TSG101: variants seen among roughly 807,000 people sequenced by gnomAD.
The protein encoded by TSG101 is tumor susceptibility 101.
Under a neutral mutation model 48.5 loss-of-function variants are expected in TSG101, and 19 were observed. The ratio of observed to expected loss-of-function variants is 0.39; its 90% confidence interval spans 0.27 to 0.58. The LOEUF is 0.58. TSG101 is among the 20% of genes least tolerant of loss of function. The probability of loss-of-function intolerance (pLI) is 0.55; values close to 1 mark genes in which losing one functional copy is unlikely to be tolerated. For missense variants in TSG101, 365 were observed against 484.4 expected (o/e 0.75, Z 2.31); for synonymous variants, 174 against 169.4 (o/e 1.03, Z -0.21).
intron 7 of TSG101, chr11:18,490,178 G>C (rs1484373622): frequency 3.6e-6 from 1 of 276,144 alleles, no homozygotes; most frequent in Non-Finnish European, 7.6e-6. Flanking sequence ...CCACACAAGG[G>C]ATATACGTGG....
At chr11:18,525,608 T>A in intron 1 of TSG101, 3 of 626,664 alleles carry the variant, frequency 4.8e-6, no homozygotes, top group Non-Finnish European at 5.9e-6. Flanking sequence ...TGTAAAACAA[T>A]ATACCGTTTT....
intron 7 of TSG101, among the ~76,000 whole-genome samples, chr11:18,493,500 G>C (rs925101189): frequency 6.6e-6 from 1 of 152,114 alleles, no homozygotes; most frequent in African/African-American, 2.4e-5. Flanking sequence ...ATAACTCAAC[G>C]ATAATTTTTC....
intron 4 of TSG101, among the ~76,000 whole-genome samples, chr11:18,511,949 A>C (rs1392012449): frequency 1.3e-5 from 2 of 150,970 alleles, no homozygotes; most frequent in African/African-American, 2.4e-5. Context: ...GAATTCATTA[A>C]TGTGGTAGTA....
At position 18,526,795 on chromosome 11, in the gene TSG101, G is replaced by C; in HGVS notation, c.22C>G (p.Leu8Val). ...CTCACCTTGGACACCATTTTCTTGAGCTGGCTCTCCGACACCGCCATGACG... is the reference window on the plus strand; with the variant it reads ...CTCACCTTGGACACCATTTTCTTGACCTGGCTCTCCGACACCGCCATGACG... Reference protein sequence around the residue: MAVSESQLKKMVSKYKYR... With the variant: MAVSESQVKKMVSKYKYR... Residue 8 changes from leucine to valine, a missense_variant, in exon 1 of 10, where the codon CTC becomes GTC. Leu to Val is a conservative substitution (Grantham distance 32). Coordinates refer to ENST00000251968, the MANE Select transcript of TSG101 (RefSeq NM_006292.4). 3 of 1,603,290 alleles carry C rather than the reference G, an allele frequency of 1.9e-6. No individual in the cohort carries two copies. Among genetic ancestry groups the C allele is most frequent in the African/African-American group, 1.3e-5 (1 of 75,034 alleles).
chr11:18,498,777 G>T (rs554275077), intron 7 of TSG101, among the ~76,000 whole-genome samples: 5 of 152,074 alleles, frequency 3.3e-5, no homozygotes, highest in African/African-American at 1.2e-4. Context: ...AGGATAGAGA[G>T]TGCCAAGGAG....
At chr11:18,509,731 C>A (rs1850047637) in intron 4 of TSG101, 66 bp from the exon 5 acceptor site, 2 of 1,477,894 alleles carry the variant, frequency 1.4e-6, no homozygotes, top group Non-Finnish European at 1.8e-6. Flanking sequence ...AAAAGGTTAG[C>A]CATTTCTCAT....
At chr11:18,482,056 ATAGAG>A (rs745995737) in intron 8 of TSG101, among the ~76,000 whole-genome samples, 187 bp from the exon 9 acceptor site, 2 of 152,220 alleles carry the variant, frequency 1.3e-5, no homozygotes, top group Non-Finnish European at 2.9e-5. Flanking sequence ...GCTGAGTGAA[ATAGAG>A]TAATGATGGA....
chr11:18,506,404 AT>A (rs559361674), intron 6 of TSG101, among the ~76,000 whole-genome samples: 2 of 145,552 alleles, frequency 1.4e-5, no homozygotes, highest in Non-Finnish European at 3.1e-5. Flanking sequence ...AAAAAAAAAA[AT>A]ACATAGGCTG....
intron 1 of TSG101, among the ~76,000 whole-genome samples, chr11:18,520,576 C>T (rs1850253396): frequency 6.6e-6 from 1 of 152,130 alleles, no homozygotes; most frequent in East Asian, 1.9e-4. Flanking sequence ...AACTGATGGG[C>T]ACATCTCTTT....
chr11:18,508,140 G>A (rs1194069081), intron 5 of TSG101, among the ~76,000 whole-genome samples: 1 of 151,224 alleles, frequency 6.6e-6, no homozygotes, highest in Non-Finnish European at 1.5e-5. Context: ...TTTCTGAAAA[G>A]GTTACCTTTG....
intron 1 of TSG101, among the ~76,000 whole-genome samples, chr11:18,522,638 C>G (rs1850298002): frequency 6.6e-6 from 1 of 152,180 alleles, no homozygotes; most frequent in African/African-American, 2.4e-5. Flanking sequence ...TTGCTAACAG[C>G]TGAAACACAG....
intron 6 of TSG101, among the ~76,000 whole-genome samples, chr11:18,506,170 G>T (rs780420727): frequency 1.1e-4 from 17 of 152,138 alleles, no homozygotes; most frequent in Non-Finnish European, 1.9e-4. Context: ...AATTTGAAAG[G>T]AGTTTCTTTC....
At chr11:18,513,019 C>T (rs1180400912) in intron 4 of TSG101, among the ~76,000 whole-genome samples, 2 of 151,968 alleles carry the variant, frequency 1.3e-5, no homozygotes, top group Admixed American at 6.6e-5. Context: ...TGAGCCACCC[C>T]ACCCAGCCTC....
chr11:18,489,352 G>A (rs1235373614), intron 7 of TSG101, among the ~76,000 whole-genome samples: 2 of 151,766 alleles, frequency 1.3e-5, no homozygotes, highest in East Asian at 3.9e-4. Context: ...CTCCTGCCTC[G>A]GCCTCCCAAG....
intron 7 of TSG101, among the ~76,000 whole-genome samples, chr11:18,491,472 A>G (rs935890751): frequency 1.3e-5 from 2 of 152,204 alleles, no homozygotes; most frequent in African/African-American, 4.8e-5. Context: ...ATAATGATAC[A>G]TACTGTTACT....
intron 3 of TSG101, among the ~76,000 whole-genome samples, chr11:18,515,872 T>C (rs111664985): frequency 1.4e-4 from 21 of 152,342 alleles, no homozygotes; most frequent in African/African-American, 4.6e-4. Flanking sequence ...TAAACTCCTC[T>C]GGTGAACTTA....
chr11:18,509,511 A>G, intron 5 of TSG101, 31 bp downstream of exon 5: 1 of 1,599,256 alleles, frequency 6.3e-7, no homozygotes, highest in Non-Finnish European at 8.5e-7. Context: ...TGTTTATATG[A>G]GTTTTAAAGT....
chr11:18,513,372 T>C (rs1337170572), intron 4 of TSG101, among the ~76,000 whole-genome samples: 2 of 152,158 alleles, frequency 1.3e-5, no homozygotes, highest in Non-Finnish European at 2.9e-5. Context: ...CATGGCTCAC[T>C]GCAGCCTCGA....
In TSG101 at chr11:18,516,176, G is replaced by A; in HGVS notation, c.128-12C>T. ...GCCATCGTTAAAAACTGAAAGGAAA[G>A]AACAATGATTTAATCATGAGCATTT... On this transcript the variant is annotated splice_polypyrimidine_tract_variant and intron_variant, in intron 2 of 9. Transcript: ENST00000251968. 1.9e-6 allele frequency: 3 copies of A among 1,612,332 alleles called. No individual in the cohort carries two copies. The highest frequency in any genetic ancestry group is 2.5e-6 in the Non-Finnish European group (3 of 1,178,850).
Sources: gnomAD v4.1 joint callset for allele counts (sites outside exome capture counted in the v4.1 genomes callset) on GRCh38, gnomAD v4.1.1 for gene constraint, MANE v1.5 for transcripts, NCBI Gene and HGNC (gene_info 2026-07-23, HGNC 2026-07-21) for gene names.